The following SASH1 variants were observed in gnomAD, a reference collection of about 807,000 sequenced individuals.
The protein encoded by SASH1 is SAM and SH3 domain-containing protein 1.
In SASH1, 44 loss-of-function variants were observed where a neutral mutation model predicts 125.2. That is an observed-to-expected ratio of 0.35 (90% CI 0.28 to 0.45). SASH1 has a LOEUF of 0.45. SASH1 is among the 20% of genes least tolerant of loss of function. SASH1 has a pLI of 1.00. For missense variants in SASH1, 1,426 were observed against 1,614.5 expected, an observed-to-expected ratio of 0.88 and a Z score of 2.00; for synonymous variants, 639 against 649.1, an observed-to-expected ratio of 0.98 and a Z score of 0.24.
At chr6:148,381,101 T>A (rs1403246550) in intron 1 of SASH1, among the ~76,000 whole-genome samples, 1 of 152,206 alleles carries the variant, frequency 6.6e-6, no homozygotes, top group Non-Finnish European at 1.5e-5. Context: ...ATCACTGTGC[T>A]GTGCAGAGGT....
At chr6:148,398,314 C>T (rs1381845884) in intron 2 of SASH1, among the ~76,000 whole-genome samples, 1 of 152,186 alleles carries the variant, frequency 6.6e-6, no homozygotes, top group East Asian at 1.9e-4. Context: ...CTTGCTTTGC[C>T]TGTGGCTTCA....
Position 148,343,292 on chromosome 6 carries a change from C to T in SASH1, c.156+69C>T, listed in dbSNP as rs1781405442. 4 of 1,461,350 alleles carry T rather than the reference C, an allele frequency of 2.7e-6. No individual in the cohort carries two copies. The African/African-American group carries it at 5.7e-5, about 21-fold the overall frequency. The allele number at this position is 1,461,350 out of a possible 1,614,324, so 90.5% of individuals were successfully genotyped here. A position where few individuals can be genotyped will look rare whatever the true frequency, so the allele number is the denominator to read the frequency against. On this transcript the variant is annotated intron_variant, in intron 1 of 19. Transcript: ENST00000367467. ...AGCAGCCCCTCTGAAACCGGGGGCT[C>T]CCTTCTCGCCCACCCACTGGGCAAC...
At chr6:148,201,205 A>G in the SASH1 span, among the ~76,000 whole-genome samples, 1 of 152,232 alleles carries the variant, frequency 6.6e-6, no homozygotes, top group African/African-American at 2.4e-5. Flanking sequence ...CACGATCATA[A>G]TAATTAACAT....
chr6:148,349,471 C>T (rs1020408943), intron 1 of SASH1, among the ~76,000 whole-genome samples: 28 of 151,926 alleles, frequency 1.8e-4, no homozygotes, highest in Non-Finnish European at 3.8e-4. Context: ...ACCATATTGT[C>T]CAGGCTGGTC....
At chr6:148,377,195 CAAAAAAAAAACAAAACAAACAAACAAACA>C (rs1782945438) in intron 1 of SASH1, among the ~76,000 whole-genome samples, 4 of 121,836 alleles carry the variant, frequency 3.3e-5, no homozygotes, top group African/African-American at 1.2e-4. Flanking sequence ...AAAAAAAAAA[CAAAAAAAAAACAAAACAAACAAACAAACA>C]AAAAAAAACA....
upstream of SASH1, among the ~76,000 whole-genome samples, chr6:148,269,459 C>A (rs1262704391): frequency 2.0e-5 from 3 of 152,152 alleles, no homozygotes; most frequent in Admixed American, 6.5e-5. Flanking sequence ...TTTATAGAGA[C>A]AAAGTCTCAC....
At chr6:148,387,648 CTTTCT>C (rs1783504528) in intron 1 of SASH1, among the ~76,000 whole-genome samples, 1 of 46,934 alleles carries the variant, frequency 2.1e-5, no homozygotes, top group Non-Finnish European at 4.2e-5. Flanking sequence ...TTCTTTCTTT[CTTTCT>C]TTCTTTCTTT....
At chr6:148,511,293 T>C (rs1780109418) in intron 8 of SASH1, among the ~76,000 whole-genome samples, 1 of 150,094 alleles carries the variant, frequency 6.7e-6, no homozygotes, top group Non-Finnish European at 1.5e-5. Context: ...CTCAAGTAAC[T>C]TCTAGGCTGA....
intron 8 of SASH1, among the ~76,000 whole-genome samples, chr6:148,498,246 AAC>A (rs1156655238): frequency 2.0e-4 from 30 of 151,626 alleles, no homozygotes; most frequent in Non-Finnish European, 3.1e-4. Flanking sequence ...AAAAAAAAAA[AAC>A]AAAAAAAACA....
intron 2 of SASH1, among the ~76,000 whole-genome samples, chr6:148,436,004 G>A (rs1776277670): frequency 6.6e-6 from 1 of 152,090 alleles, no homozygotes; most frequent in South Asian, 2.1e-4. Flanking sequence ...TGAATAAATG[G>A]TTGCACCCCA....
At chr6:148,378,053 A>ATT (rs11412396) in intron 1 of SASH1, among the ~76,000 whole-genome samples, 313 of 140,500 alleles carry the variant, frequency 2.2e-3, no homozygotes, top group East Asian at 8.2e-3. Context: ...GTCACCCACA[A>ATT]TTTTTTTTTT....
the SASH1 span, among the ~76,000 whole-genome samples, chr6:148,207,491 C>T: frequency 6.6e-6 from 1 of 152,164 alleles, no homozygotes; most frequent in African/African-American, 2.4e-5. Flanking sequence ...TTATGCCACA[C>T]AGCCAAGCTT....
chr6:148,263,799 C>T, the SASH1 span, among the ~76,000 whole-genome samples: 506 of 152,210 alleles, frequency 3.3e-3, 3 homozygotes, highest in Admixed American at 7.9e-3. Flanking sequence ...CATCTAACTC[C>T]GTGTTAGAAG....
chr6:148,419,328 T>C (rs1387296733), intron 2 of SASH1, among the ~76,000 whole-genome samples: 11 of 152,220 alleles, frequency 7.2e-5, no homozygotes, highest in Admixed American at 6.5e-5. Context: ...CTTTATGTTT[T>C]ATAGAATGAA....
At chr6:148,328,045 T>C (rs1780889031) in intron 1 of SASH1, among the ~76,000 whole-genome samples, 1 of 152,116 alleles carries the variant, frequency 6.6e-6, no homozygotes, top group Admixed American at 6.6e-5. Context: ...AGTTTTTCGT[T>C]TAAGGGATGG....
the SASH1 span, among the ~76,000 whole-genome samples, chr6:148,194,272 C>T: frequency 6.6e-6 from 1 of 152,176 alleles, no homozygotes; most frequent in Admixed American, 6.5e-5. Flanking sequence ...TGAAGTCCCT[C>T]TATCCAAACA....
At chr6:148,473,287 C>T (rs1317742534) in intron 6 of SASH1, among the ~76,000 whole-genome samples, 1 of 152,144 alleles carries the variant, frequency 6.6e-6, no homozygotes, top group Admixed American at 6.6e-5. Context: ...GAGTCTTGCT[C>T]TGTCACGTAG....
intron 17 of SASH1, among the ~76,000 whole-genome samples, chr6:148,541,178 A>C (rs1331015271): frequency 6.6e-6 from 1 of 151,916 alleles, no homozygotes; most frequent in African/African-American, 2.4e-5. Context: ...AAACAGTGGT[A>C]AGAGGCTTAC....
At chr6:148,401,123 G>A (rs1034451387) in intron 2 of SASH1, among the ~76,000 whole-genome samples, 8 of 152,074 alleles carry the variant, frequency 5.3e-5, no homozygotes, top group East Asian at 1.9e-4. Flanking sequence ...GAATGGTGGC[G>A]CATGCCTGTA....
Sources: gnomAD v4.1 joint callset for allele counts (sites outside exome capture counted in the v4.1 genomes callset) on GRCh38, gnomAD v4.1.1 for gene constraint, MANE v1.5 for transcripts, NCBI Gene and HGNC (gene_info 2026-07-23, HGNC 2026-07-21) for gene names.